SGCZ: variants seen among roughly 807,000 people sequenced by gnomAD.
SGCZ encodes the protein sarcoglycan zeta.
SGCZ carries 40 observed loss-of-function variants against 41.3 expected under a neutral mutation model. The ratio of observed to expected loss-of-function variants is 0.97; its 90% CI spans 0.75 to 1.26. SGCZ has a LOEUF of 1.26. Among genes scored for constraint, SGCZ ranks in the 50% most tolerant of loss-of-function variants. The pLI is 0.00. For synonymous variants in SGCZ, 206 were observed against 137.5 expected (o/e 1.50, Z -3.49); for missense variants, 552 against 369.8 (o/e 1.49, Z -4.04).
chr8:14,117,063 ATATCTTTAAAGATGGCATG>A (rs2117025566), intron 5 of SGCZ, among the ~76,000 whole-genome samples: 2 of 152,238 alleles, frequency 1.3e-5, no homozygotes, highest in East Asian at 1.9e-4. Flanking sequence ...GGTTGCCATA[ATATCTTTAAAGATGGCATG>A]TATCTTTAAA....
At chr8:14,709,233 C>T (rs1809436931) in intron 1 of SGCZ, among the ~76,000 whole-genome samples, 1 of 152,164 alleles carries the variant, frequency 6.6e-6, no homozygotes, top group Non-Finnish European at 1.5e-5. Context: ...TTGAACTCAT[C>T]TAGCTTGTAT....
chr8:14,763,555 A>G (rs1167083151), intron 1 of SGCZ, among the ~76,000 whole-genome samples: 1 of 152,114 alleles, frequency 6.6e-6, no homozygotes, highest in Admixed American at 6.6e-5. Context: ...AAGTGTCTTT[A>G]TTATTCAAAA....
chr8:14,227,102 G>A (rs10087468), intron 4 of SGCZ, among the ~76,000 whole-genome samples: 10,232 of 152,046 alleles, frequency 0.067, 462 homozygotes, highest in African/African-American at 0.12. Flanking sequence ...ATAAGGAGGT[G>A]GAATCATAAG....
chr8:14,122,375 A>G lies in SGCZ; in HGVS notation c.548-14140T>C, dbSNP rs962184178. On this transcript the variant is annotated intron_variant, in intron 5 of 7. Transcript: ENST00000382080. ...CCCATGAGAGGGCAAAATAACAAAA[A>G]CATTCTGGGGTCCTTTCCCTTTGAA... 2.0e-5 allele frequency among the ~76,000 whole-genome samples: 3 copies of G among 152,160 alleles called. No individual in the cohort carries two copies. In the South Asian group the frequency reaches 6.2e-4, roughly 31 times the overall value.
At chr8:14,461,841 A>G (rs1315622405) in intron 2 of SGCZ, among the ~76,000 whole-genome samples, 1 of 152,066 alleles carries the variant, frequency 6.6e-6, no homozygotes, top group African/African-American at 2.4e-5. Flanking sequence ...CTTGCAGTAC[A>G]CTCTAAGCTC....
intron 2 of SGCZ, among the ~76,000 whole-genome samples, chr8:14,368,617 G>C (rs776738345): frequency 5.9e-5 from 9 of 151,852 alleles, no homozygotes; most frequent in Non-Finnish European, 1.2e-4. Flanking sequence ...TGCATTATAA[G>C]GCAGAGAGTT....
At chr8:14,318,938 T>C (rs62497788) in intron 3 of SGCZ, among the ~76,000 whole-genome samples, 30,364 of 134,934 alleles carry the variant, frequency 0.23, 3,803 homozygotes, top group Non-Finnish European at 0.31. Context: ...TTCACTATTA[T>C]ACAAAAAAAA....
intron 1 of SGCZ, among the ~76,000 whole-genome samples, chr8:14,591,382 ACAT>A (rs1355960663): frequency 7.9e-5 from 12 of 152,130 alleles, no homozygotes; most frequent in African/African-American, 2.9e-4. Context: ...CTTATATTTC[ACAT>A]CATAATGCTC....
At chr8:14,327,894 C>T (rs981743412) in intron 2 of SGCZ, among the ~76,000 whole-genome samples, 3 of 152,156 alleles carry the variant, frequency 2.0e-5, no homozygotes, top group East Asian at 1.9e-4. Context: ...GATTCTCCTG[C>T]CTCAGCCTCC....
intron 5 of SGCZ, among the ~76,000 whole-genome samples, chr8:14,131,518 T>C (rs1803040560): frequency 6.6e-6 from 1 of 152,202 alleles, no homozygotes; most frequent in African/African-American, 2.4e-5. Flanking sequence ...TGAGAATCTT[T>C]TATCTATGAC....
intron 1 of SGCZ, among the ~76,000 whole-genome samples, chr8:14,655,939 T>A (rs1334805454): frequency 2.0e-5 from 3 of 152,106 alleles, no homozygotes; most frequent in Non-Finnish European, 4.4e-5. Context: ...CAAGTATTGC[T>A]CCTTTTTATT....
intron 1 of SGCZ, among the ~76,000 whole-genome samples, chr8:15,050,841 C>T (rs1278716727): frequency 6.6e-6 from 1 of 152,090 alleles, no homozygotes; most frequent in African/African-American, 2.4e-5. Flanking sequence ...GAGAATATTG[C>T]ATTTTTAGAT....
chr8:14,808,004 G>A (rs1450142722), intron 1 of SGCZ, among the ~76,000 whole-genome samples: 2 of 151,674 alleles, frequency 1.3e-5, no homozygotes, highest in South Asian at 4.2e-4. Context: ...TTAATAAATG[G>A]TGCTGGGAAA....
chr8:14,767,328 T>C (rs1444130944), intron 1 of SGCZ, among the ~76,000 whole-genome samples: 1 of 152,202 alleles, frequency 6.6e-6, no homozygotes, highest in African/African-American at 2.4e-5. Flanking sequence ...TTTGGCTTAG[T>C]TGTAGACTAA....
intron 1 of SGCZ, among the ~76,000 whole-genome samples, chr8:14,693,007 A>G (rs1337772056): frequency 1.3e-5 from 2 of 152,162 alleles, no homozygotes; most frequent in Non-Finnish European, 2.9e-5. Flanking sequence ...ACTTTAATGG[A>G]TAGTGGCCAA....
At chr8:14,830,258 A>ATT (rs57813453) in intron 1 of SGCZ, among the ~76,000 whole-genome samples, 15 of 148,550 alleles carry the variant, frequency 1.0e-4, no homozygotes, top group South Asian at 6.3e-4. Flanking sequence ...TGGTTTCCAA[A>ATT]TTTTTTTTTT....
chr8:14,320,224 T>C (rs1236516250), intron 3 of SGCZ, among the ~76,000 whole-genome samples: 2 of 151,592 alleles, frequency 1.3e-5, no homozygotes, highest in African/African-American at 4.8e-5. Context: ...AATGTAAATA[T>C]AATATGATAA....
At chr8:14,555,701 G>C (rs969628692) in intron 1 of SGCZ, among the ~76,000 whole-genome samples, 14 of 152,004 alleles carry the variant, frequency 9.2e-5, no homozygotes, top group African/African-American at 3.4e-4. Flanking sequence ...GAGAGAGACT[G>C]AGTCTACCAC....
chr8:14,409,630 G>C (rs1799306973), intron 2 of SGCZ, among the ~76,000 whole-genome samples: 1 of 152,070 alleles, frequency 6.6e-6, no homozygotes, highest in South Asian at 2.1e-4. Context: ...ATGATTATTT[G>C]AGACACTCCT....
Sources: gnomAD v4.1 joint callset for allele counts (sites outside exome capture counted in the v4.1 genomes callset) on GRCh38, gnomAD v4.1.1 for gene constraint, MANE v1.5 for transcripts, NCBI Gene and HGNC (gene_info 2026-07-23, HGNC 2026-07-21) for gene names.